The following SLC4A7 variants were observed in gnomAD, a reference collection of about 807,000 sequenced individuals.
The protein encoded by SLC4A7 is sodium bicarbonate cotransporter 3.
A neutral mutation model predicts 137.6 loss-of-function variants in SLC4A7; 51 were observed. The ratio of observed to expected loss-of-function variants is 0.37; its 90% confidence interval spans 0.30 to 0.47. The LOEUF (loss-of-function observed/expected upper bound fraction) is 0.47, where lower values mean the gene tolerates loss of function less well. Among genes scored for constraint, SLC4A7 ranks in the 20% least tolerant of loss-of-function variants. SLC4A7 has a pLI of 1.00. For synonymous variants in SLC4A7, 542 were observed against 518.6 expected (o/e 1.05, Z -0.61); for missense variants, 1,247 against 1,525.4 (o/e 0.82, Z 3.04).
intron 1 of SLC4A7, among the ~76,000 whole-genome samples, chr3:27,467,640 C>A (rs141378532): frequency 3.9e-5 from 6 of 152,306 alleles, no homozygotes; most frequent in African/African-American, 1.4e-4. Context: ...GGAGCACAGC[C>A]AGTCCACTCC....
chr3:27,461,885 C>A, intron 1 of SLC4A7, among the ~76,000 whole-genome samples: 1 of 151,944 alleles, frequency 6.6e-6, no homozygotes. Flanking sequence ...TCACTTGAAC[C>A]TGGGAGGCAG....
intron 3 of SLC4A7, among the ~76,000 whole-genome samples, chr3:27,439,025 C>A (rs1345254116): frequency 1.3e-5 from 2 of 152,124 alleles, no homozygotes; most frequent in Non-Finnish European, 2.9e-5. Context: ...AGCCCTAGGG[C>A]TCCATATAAA....
intron 1 of SLC4A7, among the ~76,000 whole-genome samples, chr3:27,466,954 G>A (rs569706420): frequency 1.1e-3 from 164 of 152,242 alleles, no homozygotes; most frequent in Admixed American, 3.5e-3. Flanking sequence ...GGATGAGTGA[G>A]GAAGTTAGTT....
At chr3:27,440,182 G>C (rs536939734) in intron 3 of SLC4A7, among the ~76,000 whole-genome samples, 2 of 152,062 alleles carry the variant, frequency 1.3e-5, no homozygotes, top group South Asian at 2.1e-4. Context: ...GAGTCTTAGA[G>C]GGCTAAAATC....
chr3:27,445,806 C>T (rs986532302), intron 3 of SLC4A7, among the ~76,000 whole-genome samples: 10 of 147,380 alleles, frequency 6.8e-5, no homozygotes, highest in Non-Finnish European at 1.3e-4. Context: ...GTGGCGGGCA[C>T]CTGTAATCCC....
chr3:27,410,603 T>C (rs527881047), intron 12 of SLC4A7, among the ~76,000 whole-genome samples: 192 of 152,256 alleles, frequency 1.3e-3, no homozygotes, highest in Non-Finnish European at 2.4e-3. Flanking sequence ...AAAATATGAA[T>C]CTACAGTATA....
chr3:27,443,030 TTC>T lies in SLC4A7; in HGVS notation c.290-5506_290-5505del, dbSNP rs1287582848. Among the ~76,000 whole-genome samples, 26 of 128,446 alleles carry T rather than the reference TTC, an allele frequency of 2.0e-4. 2 individuals are homozygous for T. Among genetic ancestry groups the T allele is most frequent in the Middle Eastern group, 4.0e-3 (1 of 248 alleles). The allele number at this position is 128,446 out of a possible 152,430, so 84.3% of individuals were successfully genotyped here. ...GCTGGGCATTCTCTTTTTTCTTTTT[TTC>T]TTTTTTTTTTTTTTTTTGAGATGGA... On this transcript the variant is annotated intron_variant, in intron 3 of 25. Coordinates refer to ENST00000454389, the MANE Select transcript of SLC4A7 (RefSeq NM_001321103.2).
At chr3:27,412,792 T>C (rs2054032723) in intron 11 of SLC4A7, among the ~76,000 whole-genome samples, 1 of 152,126 alleles carries the variant, frequency 6.6e-6, no homozygotes, top group African/African-American at 2.4e-5. Flanking sequence ...AAAGCCACAA[T>C]TACTTTTGTG....
chr3:27,396,521 A>G (rs2052187582), intron 18 of SLC4A7, among the ~76,000 whole-genome samples: 1 of 152,074 alleles, frequency 6.6e-6, no homozygotes, highest in African/African-American at 2.4e-5. Flanking sequence ...TCATATTTTT[A>G]CATTAAAAAC....
At chr3:27,406,110 A>G (rs1015025619) in intron 13 of SLC4A7, among the ~76,000 whole-genome samples, 23 of 152,232 alleles carry the variant, frequency 1.5e-4, no homozygotes, top group African/African-American at 5.1e-4. Flanking sequence ...GAGGCAGCGC[A>G]GCAACAGGCA....
At chr3:27,400,239 A>ATG (rs1210318273) in intron 16 of SLC4A7, among the ~76,000 whole-genome samples, 1 of 152,236 alleles carries the variant, frequency 6.6e-6, no homozygotes, top group Non-Finnish European at 1.5e-5. Flanking sequence ...TGTTCATTAC[A>ATG]TGTTTTTAAT....
At chr3:27,475,146 T>C (rs1299951771) in intron 1 of SLC4A7, among the ~76,000 whole-genome samples, 1 of 151,922 alleles carries the variant, frequency 6.6e-6, no homozygotes, top group Non-Finnish European at 1.5e-5. Context: ...CCCACAGAGT[T>C]ATCTAGAATA....
intron 11 of SLC4A7, among the ~76,000 whole-genome samples, chr3:27,416,783 T>C (rs1225042461): frequency 1.3e-5 from 2 of 152,156 alleles, no homozygotes; most frequent in Non-Finnish European, 2.9e-5. Flanking sequence ...ATGTAAATTA[T>C]AAGGAAAACT....
intron 7 of SLC4A7, among the ~76,000 whole-genome samples, chr3:27,429,984 G>A (rs997302582): frequency 9.9e-5 from 15 of 152,164 alleles, no homozygotes; most frequent in African/African-American, 2.9e-4. Flanking sequence ...GGGAGGCTAC[G>A]GCAGGAGGAT....
chr3:27,384,805 G>A (rs7619181), intron 23 of SLC4A7, among the ~76,000 whole-genome samples: 140,577 of 151,986 alleles, frequency 0.92, 65,138 homozygotes, highest in East Asian at 1. Context: ...TCTACTAAAA[G>A]TACAAAAATA....
At chr3:27,441,441 A>G (rs1179905793) in intron 3 of SLC4A7, among the ~76,000 whole-genome samples, 7 of 152,102 alleles carry the variant, frequency 4.6e-5, no homozygotes, top group Non-Finnish European at 4.4e-5. Context: ...GTAAATTTTC[A>G]TTGTCAGAAA....
In SLC4A7 at chr3:27,376,543, T is replaced by C; in HGVS notation, c.*221A>G. 1 of 317,212 alleles carries C rather than the reference T, an allele frequency of 3.2e-6. No homozygotes were observed. Among genetic ancestry groups the C allele is most frequent in the South Asian group, 1.4e-4 (1 of 7,018 alleles). 19.6% of individuals were successfully genotyped at this position (317,212 alleles called of 1,614,324 possible). A position where few individuals can be genotyped will look rare whatever the true frequency, so the allele number is the denominator to read the frequency against. On this transcript the variant is annotated 3_prime_UTR_variant, in exon 26 of 26. Coordinates refer to ENST00000454389, the MANE Select transcript of SLC4A7 (RefSeq NM_001321103.2). ...CAGAAAATTTTTTTTTCTAACAGAA[T>C]AAATATTTGAATAGTTAAGAACCAT...
intron 1 of SLC4A7, among the ~76,000 whole-genome samples, chr3:27,472,550 G>A (rs1325850211): frequency 6.6e-6 from 1 of 152,136 alleles, no homozygotes; most frequent in African/African-American, 2.4e-5. Context: ...GATATAAAGT[G>A]TATAATTTGC....
At chr3:27,415,708 C>T (rs191770531) in intron 11 of SLC4A7, among the ~76,000 whole-genome samples, 157 of 152,288 alleles carry the variant, frequency 1.0e-3, no homozygotes, top group Non-Finnish European at 1.3e-3. Flanking sequence ...CTAAATTATC[C>T]GATCCTTCGC....
Sources: gnomAD v4.1 joint callset for allele counts (sites outside exome capture counted in the v4.1 genomes callset) on GRCh38, gnomAD v4.1.1 for gene constraint, MANE v1.5 for transcripts, NCBI Gene and HGNC (gene_info 2026-07-23, HGNC 2026-07-21) for gene names.